The following FOXP2 variants were observed in gnomAD, a reference collection of about 807,000 sequenced individuals.
The protein encoded by FOXP2 is forkhead box protein P2.
A neutral mutation model predicts 115.8 loss-of-function variants in FOXP2; 12 were observed. That is an observed-to-expected ratio of 0.10 (90% CI 0.07 to 0.17). The LOEUF (loss-of-function observed/expected upper bound fraction) is 0.17. Ranked by LOEUF, FOXP2 falls within the 10% of genes least tolerant of loss-of-function variation. FOXP2 has a pLI of 1.00. For missense variants in FOXP2, 629 were observed against 843.5 expected (o/e 0.75, Z 3.15); for synonymous variants, 328 against 297.7 (o/e 1.10, Z -1.05).
chr7:114,535,734 T>C (rs1399965410), intron 3 of FOXP2, among the ~76,000 whole-genome samples: 1 of 151,506 alleles, frequency 6.6e-6, no homozygotes, highest in Non-Finnish European at 1.5e-5. Context: ...CTAAACAAAT[T>C]TGAGATAAGA....
At chr7:114,218,411 C>T (rs1794536526) in intron 1 of FOXP2, among the ~76,000 whole-genome samples, 1 of 152,084 alleles carries the variant, frequency 6.6e-6, no homozygotes, top group Non-Finnish European at 1.5e-5. Context: ...TCCCTGTTCA[C>T]CAAGCAGCAG....
chr7:114,225,063 T>C (rs1794712234), intron 1 of FOXP2, among the ~76,000 whole-genome samples: 1 of 152,188 alleles, frequency 6.6e-6, no homozygotes, highest in Non-Finnish European at 1.5e-5. Context: ...TACTTGATTA[T>C]AATATATAAT....
chr7:114,452,497 T>G (rs1476393830), intron 2 of FOXP2, among the ~76,000 whole-genome samples: 1 of 152,068 alleles, frequency 6.6e-6, no homozygotes, highest in Admixed American at 6.6e-5. Context: ...TCATGATACC[T>G]TTTTAGAGGT....
chr7:114,589,163 C>T (rs1212497215), intron 3 of FOXP2, among the ~76,000 whole-genome samples: 1 of 152,152 alleles, frequency 6.6e-6, no homozygotes, highest in Non-Finnish European at 1.5e-5. Flanking sequence ...AAGCTTTCTT[C>T]TGTTCCCCGG....
At chr7:114,177,114 T>A (rs921885412) in intron 1 of FOXP2, among the ~76,000 whole-genome samples, 2 of 152,176 alleles carry the variant, frequency 1.3e-5, no homozygotes, top group African/African-American at 4.8e-5. Context: ...TTTGGTTGTT[T>A]GTTTTCCTGT....
At chr7:114,095,571 T>C (rs1240198868) in intron 1 of FOXP2, among the ~76,000 whole-genome samples, 5 of 151,972 alleles carry the variant, frequency 3.3e-5, no homozygotes, top group Admixed American at 1.3e-4. Flanking sequence ...TGAGAGAAGG[T>C]AGAGTGCATG....
chr7:114,151,243 A>G (rs1792520658), intron 1 of FOXP2, among the ~76,000 whole-genome samples: 2 of 152,062 alleles, frequency 1.3e-5, no homozygotes, highest in African/African-American at 2.4e-5. Flanking sequence ...AATTAAACAA[A>G]CAAAGGAATA....
intron 3 of FOXP2, among the ~76,000 whole-genome samples, chr7:114,597,341 A>C (rs956628176): frequency 2.6e-5 from 4 of 152,096 alleles, no homozygotes; most frequent in Admixed American, 6.6e-5. Context: ...TGCCAAATAT[A>C]ATTTCACTGA....
rs71157580 is a variant in FOXP2 at position 114,304,669 on chromosome 7, C to CAAAAAA, written c.-11+16582_-11+16587dup. 3.8e-3 allele frequency among the ~76,000 whole-genome samples: 245 copies of CAAAAAA among 65,130 alleles called. 5 individuals are homozygous for CAAAAAA. The highest frequency in any genetic ancestry group is 4.5e-3 in the Non-Finnish European group (170 of 37,406). The allele number at this position is 65,130 out of a possible 152,430, so 42.7% of individuals were successfully genotyped here. On this transcript the variant is annotated intron_variant, in intron 2 of 17. Coordinates refer to the FOXP2 transcript ENST00000634411. Reference sequence around the variant, plus strand: ...TAGGTGACAGAGTGAGACTCTGTCTCAAAAAAAAAAAAAAAAAAAAAAAAA... The same window carrying CAAAAAA: ...TAGGTGACAGAGTGAGACTCTGTCTCAAAAAAAAAAAAAAAAAAAAAAAAAAAAAAA...
intron 2 of FOXP2, among the ~76,000 whole-genome samples, chr7:114,502,250 A>C (rs58201973): frequency 6.6e-6 from 1 of 152,080 alleles, no homozygotes; most frequent in Non-Finnish European, 1.5e-5. Flanking sequence ...TCTTTTATGA[A>C]TATTCCATAT....
intron 1 of FOXP2, among the ~76,000 whole-genome samples, chr7:114,101,500 A>G (rs942506848): frequency 6.6e-6 from 1 of 152,166 alleles, no homozygotes; most frequent in Non-Finnish European, 1.5e-5. Context: ...TAACAGTGTC[A>G]GAAAAGGAAA....
intron 1 of FOXP2, among the ~76,000 whole-genome samples, chr7:114,206,536 T>A (rs948864539): frequency 5.3e-5 from 8 of 152,150 alleles, no homozygotes; most frequent in Non-Finnish European, 7.4e-5. Flanking sequence ...CAATTCCATT[T>A]TATGCAGACC....
intron 3 of FOXP2, among the ~76,000 whole-genome samples, chr7:114,589,977 G>A (rs556517852): frequency 1.3e-5 from 2 of 151,984 alleles, no homozygotes; most frequent in African/African-American, 4.8e-5. Flanking sequence ...GTGGACTTGG[G>A]TGCTTATTCT....
At position 114,691,953 on chromosome 7, in the gene FOXP2, A is replaced by G. The variant is rs1563083413; in HGVS notation, c.*2027A>G. 4.8e-6 allele frequency: 2 copies of G among 419,438 alleles called. No individual in the cohort carries two copies. Among genetic ancestry groups the G allele is most frequent in the African/African-American group, 2.1e-5 (1 of 47,540 alleles). The allele number at this position is 419,438 out of a possible 1,614,324, so 26.0% of individuals were successfully genotyped here. ...GCAAAAAAAAAAAAAGAAAAAAAAAAAAAGAAAAACATTAGAACAATTATG... is the reference window on the plus strand; with the variant it reads ...GCAAAAAAAAAAAAAGAAAAAAAAAGAAAGAAAAACATTAGAACAATTATG... On this transcript the variant is annotated 3_prime_UTR_variant, in exon 17 of 17. Coordinates refer to ENST00000350908, the MANE Select transcript of FOXP2 (RefSeq NM_014491.4).
At chr7:114,197,993 T>G (rs1256450297) in intron 1 of FOXP2, among the ~76,000 whole-genome samples, 1 of 151,960 alleles carries the variant, frequency 6.6e-6, no homozygotes, top group African/African-American at 2.4e-5. Context: ...GCACCCCAGG[T>G]AGCTGGGATT....
At chr7:114,526,892 A>G (rs1440685807) in intron 2 of FOXP2, among the ~76,000 whole-genome samples, 1 of 152,084 alleles carries the variant, frequency 6.6e-6, no homozygotes, top group Non-Finnish European at 1.5e-5. Context: ...ACCACTGTTT[A>G]ATTCCAGAAC....
In FOXP2 at chr7:114,602,736, G is replaced by A. The variant is rs544358732; in HGVS notation, c.259-25804G>A. On this transcript the variant is annotated intron_variant, in intron 3 of 16. Transcript: ENST00000350908. ...CTTATGTGAATCCTTCATGAGCTAC[G>A]CATATCAATAATGGGAAAGAAAAAT... 2.6e-5 allele frequency among the ~76,000 whole-genome samples: 4 copies of A among 152,002 alleles called. No individual in the cohort carries two copies. In the South Asian group the frequency reaches 6.2e-4, roughly 24 times the overall value.
chr7:114,126,122 C>A (rs939158119), intron 1 of FOXP2, among the ~76,000 whole-genome samples: 2 of 152,042 alleles, frequency 1.3e-5, no homozygotes, highest in Non-Finnish European at 2.9e-5. Flanking sequence ...AATTAAAATG[C>A]AAGACCAAGT....
At chr7:114,358,858 A>T (rs185375273) in intron 2 of FOXP2, among the ~76,000 whole-genome samples, 2 of 152,282 alleles carry the variant, frequency 1.3e-5, no homozygotes, top group Non-Finnish European at 2.9e-5. Flanking sequence ...CTTATATTTA[A>T]AAAGGGAGCA....
Sources: gnomAD v4.1 joint callset for allele counts (sites outside exome capture counted in the v4.1 genomes callset) on GRCh38, gnomAD v4.1.1 for gene constraint, MANE v1.5 for transcripts, NCBI Gene and HGNC (gene_info 2026-07-23, HGNC 2026-07-21) for gene names.